CFAP46: variants seen among roughly 807,000 people sequenced by gnomAD.
The protein encoded by CFAP46 is cilia and flagella associated protein 46.
A neutral mutation model predicts 325.7 loss-of-function variants in CFAP46; 245 were observed. The observed-to-expected ratio is 0.75, with a 90% CI of 0.68 to 0.84. CFAP46 has a LOEUF of 0.84. Ranked by LOEUF, CFAP46 falls within the 40% of genes least tolerant of loss-of-function variation. The probability of loss-of-function intolerance (pLI) is 0.00; values close to 1 mark genes in which losing one functional copy is unlikely to be tolerated. For missense variants in CFAP46, 3,346 were observed against 3,543.0 expected (o/e 0.94, Z 1.41); for synonymous variants, 1,523 against 1,495.9 (o/e 1.02, Z -0.42).
rs376689227 is a variant in CFAP46 at position 132,937,541 on chromosome 10, C to T, written c.660+11G>A. ...ACTTCTTACGTCTCTATTTCTAATA[C>T]GCTGATTTACCATAACAGAGAATAT... On this transcript the variant is annotated intron_variant, in intron 6 of 57. Transcript: ENST00000368586. 25 of 1,613,074 alleles carry T rather than the reference C, an allele frequency of 1.5e-5. No homozygotes were observed. Among genetic ancestry groups the T allele is most frequent in the African/African-American group, 6.7e-5 (5 of 75,028 alleles).
intron 50 of CFAP46, among the ~76,000 whole-genome samples, chr10:132,822,163 TGTGTGTGCTG>T (rs1847863481): frequency 7.3e-6 from 1 of 136,448 alleles, no homozygotes; most frequent in African/African-American, 2.9e-5. Flanking sequence ...TGCTGTGTGC[TGTGTGTGCTG>T]ATGTGTGCTG....
At chr10:132,824,494 G>T (rs1207367518) in intron 50 of CFAP46, among the ~76,000 whole-genome samples, 46 of 108,652 alleles carry the variant, frequency 4.2e-4, no homozygotes, top group African/African-American at 1.6e-3. Flanking sequence ...TGCGCTGTGT[G>T]CTGTGTGCTG....
intron 17 of CFAP46, among the ~76,000 whole-genome samples, chr10:132,916,042 G>A (rs1432095918): frequency 6.6e-6 from 1 of 152,214 alleles, no homozygotes; most frequent in Non-Finnish European, 1.5e-5. Context: ...AGCAAATCCT[G>A]TGAGATGTTC....
chr10:132,860,597 G>A, intron 36 of CFAP46, 74 bp from the exon 37 acceptor site: 2 of 1,258,338 alleles, frequency 1.6e-6, no homozygotes, highest in Non-Finnish European at 2.3e-6. Flanking sequence ...AGGACGGGCG[G>A]GCAGGGACAG....
intron 29 of CFAP46, 97 bp from the exon 30 acceptor site, chr10:132,878,184 G>A (rs1159954221): frequency 8.7e-6 from 10 of 1,155,748 alleles, no homozygotes; most frequent in Middle Eastern, 2.4e-4. Context: ...TCAGACCCGC[G>A]GGGCTCCCCA....
At chr10:132,856,393 T>C (rs1429161494) in intron 39 of CFAP46, among the ~76,000 whole-genome samples, 1 of 152,236 alleles carries the variant, frequency 6.6e-6, no homozygotes, top group Admixed American at 6.5e-5. Flanking sequence ...TGGAAAATTT[T>C]CAGTCATTAG....
intron 55 of CFAP46, among the ~76,000 whole-genome samples, chr10:132,811,321 C>T (rs1477860966): frequency 6.6e-6 from 1 of 152,192 alleles, no homozygotes; most frequent in African/African-American, 2.4e-5. Flanking sequence ...CCTCCTCTGC[C>T]CTGGAGGGCA....
intron 50 of CFAP46, among the ~76,000 whole-genome samples, chr10:132,830,930 CCTT>C (rs1196509737): frequency 6.6e-6 from 1 of 152,188 alleles, no homozygotes; most frequent in Non-Finnish European, 1.5e-5. Flanking sequence ...TCCATAAAGT[CCTT>C]CTTGCGCTTC....
At chr10:132,809,002 C>T (rs1847524847) in intron 57 of CFAP46, 98 bp from the exon 58 acceptor site, 9 of 1,251,170 alleles carry the variant, frequency 7.2e-6, no homozygotes, top group African/African-American at 1.5e-5. Context: ...GCAGCTGCTC[C>T]AACTGAGGGC....
intron 45 of CFAP46, 50 bp from the exon 46 acceptor site, chr10:132,836,268 C>T (rs1848246306): frequency 1.3e-6 from 2 of 1,559,554 alleles, no homozygotes; most frequent in South Asian, 1.1e-5. Context: ...GAAGGAAACA[C>T]ACCTCACAGC....
intron 26 of CFAP46, 130 bp from the exon 27 acceptor site, chr10:132,885,416 CG>C (rs1480694482): frequency 6.1e-6 from 4 of 656,204 alleles, no homozygotes; most frequent in African/African-American, 6.0e-5. Context: ...CCCAGGTGAG[CG>C]GGGGTCTCGG....
chr10:132,934,024 G>A (rs950406501), intron 8 of CFAP46, among the ~76,000 whole-genome samples: 6 of 152,196 alleles, frequency 3.9e-5, no homozygotes, highest in African/African-American at 1.2e-4. Context: ...CCGCAGACAC[G>A]GTGAGGTCAT....
At chr10:132,931,494 C>T (rs1314226201) in intron 8 of CFAP46, among the ~76,000 whole-genome samples, 1 of 146,454 alleles carries the variant, frequency 6.8e-6, no homozygotes, top group Non-Finnish European at 1.5e-5. Context: ...CTCCTCTCTA[C>T]ACAGAGCCTG....
chr10:132,913,655 C>T (rs529724340), intron 17 of CFAP46, among the ~76,000 whole-genome samples: 215 of 152,308 alleles, frequency 1.4e-3, no homozygotes, highest in African/African-American at 3.8e-3. Context: ...GGGCTGAAAC[C>T]GCTGGGACGG....
At chr10:132,816,143 T>C (rs1408463675) in intron 50 of CFAP46, among the ~76,000 whole-genome samples, 3 of 152,048 alleles carry the variant, frequency 2.0e-5, no homozygotes, top group Non-Finnish European at 4.4e-5. Flanking sequence ...TTTGCTACGT[T>C]GATTCAAAGT....
At chr10:132,825,937 T>G (rs1230055352) in intron 50 of CFAP46, among the ~76,000 whole-genome samples, 3 of 146,606 alleles carry the variant, frequency 2.0e-5, no homozygotes, top group Admixed American at 7.0e-5. Flanking sequence ...TAAATTGTGG[T>G]GGGTGGAACA....
chr10:132,867,953 C>T (rs1286564536), intron 33 of CFAP46, among the ~76,000 whole-genome samples: 1 of 152,194 alleles, frequency 6.6e-6, no homozygotes, highest in Non-Finnish European at 1.5e-5. Flanking sequence ...GCCACGGCCC[C>T]CGGCTGTCCC....
At chr10:132,896,807 A>C (rs974839379) in intron 24 of CFAP46, among the ~76,000 whole-genome samples, 3 of 152,256 alleles carry the variant, frequency 2.0e-5, no homozygotes, top group Non-Finnish European at 4.4e-5. Flanking sequence ...CCAGACAGCT[A>C]AAACAATCTT....
chr10:132,926,273 G>C (rs1382487445), intron 10 of CFAP46, among the ~76,000 whole-genome samples: 1 of 152,198 alleles, frequency 6.6e-6, no homozygotes, highest in Admixed American at 6.5e-5. Context: ...CCACACGGCG[G>C]GGAGGGGGCA....
Sources: allele counts gnomAD v4.1 joint callset (sites outside exome capture counted in the v4.1 genomes callset), GRCh38; gene constraint gnomAD v4.1.1; transcripts MANE v1.5; gene names NCBI Gene and HGNC (gene_info 2026-07-23, HGNC 2026-07-21).